The following UIMC1 variants were observed in gnomAD, a reference collection of about 807,000 sequenced individuals.
The protein encoded by UIMC1 is ubiquitin interaction motif containing 1.
UIMC1 carries 42 observed loss-of-function variants against 84.9 expected under a neutral mutation model. That is an observed-to-expected ratio of 0.49 (90% CI 0.39 to 0.64). UIMC1 has a LOEUF of 0.64. Among genes scored for constraint, UIMC1 ranks in the 30% least tolerant of loss-of-function variants. The probability of loss-of-function intolerance (pLI) is 0.00; values close to 1 mark genes in which losing one functional copy is unlikely to be tolerated. For missense variants in UIMC1, 825 were observed against 847.6 expected (o/e 0.97, Z 0.33); for synonymous variants, 281 against 293.0 (o/e 0.96, Z 0.42).
chr5:176,947,575 T>C (rs1013251366), intron 9 of UIMC1, among the ~76,000 whole-genome samples: 3 of 152,120 alleles, frequency 2.0e-5, no homozygotes, highest in East Asian at 3.8e-4. Context: ...TCCCAGCACT[T>C]TGGGAGGCCA....
intron 6 of UIMC1, among the ~76,000 whole-genome samples, chr5:176,967,244 G>A (rs78755945): frequency 0.027 from 4,069 of 150,844 alleles, 199 homozygotes; most frequent in African/African-American, 0.094. Context: ...TTTACTATCT[G>A]TAACAGTAAA....
intron 10 of UIMC1, among the ~76,000 whole-genome samples, chr5:176,934,625 T>C (rs1763504810): frequency 2.0e-5 from 3 of 152,256 alleles, no homozygotes; most frequent in African/African-American, 7.2e-5. Context: ...TTTCTGTTAT[T>C]GTGACTTACA....
intron 9 of UIMC1, among the ~76,000 whole-genome samples, chr5:176,950,256 C>A (rs985514589): frequency 1.3e-5 from 2 of 151,144 alleles, no homozygotes; most frequent in Non-Finnish European, 1.5e-5. Flanking sequence ...CGCACCACCA[C>A]GCCCAGCTAA....
chr5:176,983,121 A>C (rs990088157), intron 1 of UIMC1, among the ~76,000 whole-genome samples: 2 of 151,770 alleles, frequency 1.3e-5, no homozygotes, highest in African/African-American at 4.8e-5. Flanking sequence ...GGAGTGAGCC[A>C]CCATGCCCAG....
In UIMC1 at chr5:176,908,568, A is replaced by ACATT; in HGVS notation, c.1802_1803insAATG (p.Cys601Ter). On this transcript the variant is annotated stop_gained and frameshift_variant, in exon 12 of 15. Transcript: ENST00000511320. LOFTEE classifies it high-confidence loss of function. ...GCTGCCACTTCCCCTCCACAGTTGA[A>ACATT]CATGCTCTTCCACTCCCTTCAGGTC... 4.3e-6 allele frequency: 7 copies of ACATT among 1,614,098 alleles called. No individual in the cohort carries two copies. Among genetic ancestry groups the ACATT allele is most frequent in the Non-Finnish European group, 5.9e-6 (7 of 1,179,978 alleles).
chr5:176,992,633 T>TAA (rs11417814), intron 1 of UIMC1, among the ~76,000 whole-genome samples: 23 of 147,310 alleles, frequency 1.6e-4, no homozygotes, highest in South Asian at 6.4e-4. Flanking sequence ...CTTGTCTCTA[T>TAA]AAAAAAAAAA....
At chr5:176,990,216 A>G (rs1772620871) in intron 1 of UIMC1, among the ~76,000 whole-genome samples, 2 of 151,248 alleles carry the variant, frequency 1.3e-5, no homozygotes, top group Non-Finnish European at 1.5e-5. Context: ...AGAAATGGGG[A>G]CTTAGGGAAG....
At chr5:176,971,872 G>GCACTC (rs760656642) in intron 3 of UIMC1, among the ~76,000 whole-genome samples, 7 of 152,134 alleles carry the variant, frequency 4.6e-5, no homozygotes, top group Middle Eastern at 6.8e-3. Flanking sequence ...CCATGCCATT[G>GCACTC]CACTCCACCC....
chr5:176,943,525 A>T (rs1371606184), intron 9 of UIMC1, 37 bp from the exon 10 acceptor site: 1 of 1,605,580 alleles, frequency 6.2e-7, no homozygotes, highest in East Asian at 2.2e-5. Flanking sequence ...TAACAGCTTT[A>T]GTTCATATCA....
Position 176,969,097 on chromosome 5 carries a change from A to C in UIMC1, c.658T>G (p.Cys220Gly). 1.2e-6 allele frequency: 2 copies of C among 1,614,196 alleles called. No individual in the cohort carries two copies. Among genetic ancestry groups the C allele is most frequent in the South Asian group, 1.1e-5 (1 of 91,084 alleles). Residue 220 changes from cysteine to glycine, a missense_variant, in exon 6 of 15, where the codon TGT becomes GGT. Physicochemically the swap from Cys to Gly is radical, Grantham distance 159. Transcript: ENST00000511320. ...GTGTGCTCAGCCGAGTGGCCAGTAC[A>C]TCTGTCAAAAGATTTAACGTTCACA... ...ENVNVKSFDRCTGHSAEHTQC... is the reference protein window; with the variant it reads ...ENVNVKSFDRGTGHSAEHTQC...
At chr5:177,000,895 T>C (rs2149538588) in intron 1 of UIMC1, among the ~76,000 whole-genome samples, 1 of 152,340 alleles carries the variant, frequency 6.6e-6, no homozygotes, top group East Asian at 1.9e-4. Flanking sequence ...GAGTTCCTTA[T>C]ACATTCCGGT....
intron 1 of UIMC1, among the ~76,000 whole-genome samples, chr5:177,020,461 C>T (rs751870187): frequency 7.9e-5 from 12 of 152,274 alleles, no homozygotes; most frequent in Non-Finnish European, 1.3e-4. Flanking sequence ...GATGGAGTCT[C>T]GCTCTGTTGC....
chr5:176,977,456 TCTCA>T (rs546331875), intron 2 of UIMC1, among the ~76,000 whole-genome samples: 25 of 151,214 alleles, frequency 1.7e-4, no homozygotes, highest in Admixed American at 1.5e-3. Flanking sequence ...ATAAAACAAG[TCTCA>T]CTAAGTTTAA....
intron 10 of UIMC1, among the ~76,000 whole-genome samples, chr5:176,942,002 C>T (rs1264361120): frequency 6.6e-6 from 1 of 152,088 alleles, no homozygotes; most frequent in African/African-American, 2.4e-5. Flanking sequence ...CGGCACCACG[C>T]CTGGTTAATT....
chr5:176,905,070 G>A lies in UIMC1; in HGVS notation c.*212C>T, dbSNP rs373068623. 4.6e-6 allele frequency: 2 copies of A among 435,358 alleles called. No individual in the cohort carries two copies. Among genetic ancestry groups the A allele is most frequent in the South Asian group, 9.7e-5 (2 of 20,586 alleles). The allele number at this position is 435,358 out of a possible 1,614,324, so 27.0% of individuals were successfully genotyped here. A position where few individuals can be genotyped will look rare whatever the true frequency, so the allele number is the denominator to read the frequency against. On this transcript the variant is annotated 3_prime_UTR_variant, in exon 15 of 15. Transcript: ENST00000511320. ...ATAAATATATTTAAATTTTTTAACT[G>A]TAAGTAAATTCAAACAAACTGTTAT...
chr5:176,929,025 G>A (rs537797659), intron 10 of UIMC1, among the ~76,000 whole-genome samples: 9 of 152,148 alleles, frequency 5.9e-5, no homozygotes, highest in East Asian at 1.9e-4. Context: ...AGGCCAAGGC[G>A]GGTAGATTAC....
At chr5:176,918,819 G>A (rs546797542) in intron 10 of UIMC1, among the ~76,000 whole-genome samples, 252 of 152,178 alleles carry the variant, frequency 1.7e-3, no homozygotes, top group African/African-American at 5.7e-3. Context: ...ACTTACTTGC[G>A]CAATCCGACT....
At chr5:176,981,812 AAG>A (rs1771098253) in intron 2 of UIMC1, among the ~76,000 whole-genome samples, 1 of 152,048 alleles carries the variant, frequency 6.6e-6, no homozygotes, top group African/African-American at 2.4e-5. Flanking sequence ...ATATAGGAGA[AAG>A]AGAAGAAAAT....
chr5:176,998,611 T>C (rs1048061460), intron 1 of UIMC1, among the ~76,000 whole-genome samples: 5 of 149,814 alleles, frequency 3.3e-5, no homozygotes, highest in Admixed American at 2.0e-4. Flanking sequence ...CTACTAAAAA[T>C]ACAAAATTAG....
Sources: gnomAD v4.1 joint callset for allele counts (sites outside exome capture counted in the v4.1 genomes callset) on GRCh38, gnomAD v4.1.1 for gene constraint, MANE v1.5 for transcripts, NCBI Gene and HGNC (gene_info 2026-07-23, HGNC 2026-07-21) for gene names.